The following GLI2 variants were observed in gnomAD, a reference collection of about 807,000 sequenced individuals.
The protein encoded by GLI2 is GLI family zinc finger 2.
A neutral mutation model predicts 78.9 loss-of-function variants in GLI2; 22 were observed. The observed-to-expected ratio is 0.28, with a 90% CI of 0.20 to 0.40. The LOEUF (loss-of-function observed/expected upper bound fraction) is 0.40. Among genes scored for constraint, GLI2 ranks in the 10% least tolerant of loss-of-function variants. The probability of loss-of-function intolerance (pLI) is 1.00; values close to 1 mark genes in which losing one functional copy is unlikely to be tolerated. For missense variants in GLI2, 2,097 were observed against 2,213.2 expected, an observed-to-expected ratio of 0.95 and a Z score of 1.05; for synonymous variants, 974 against 963.7, an observed-to-expected ratio of 1.01 and a Z score of -0.20.
intron 2 of GLI2, among the ~76,000 whole-genome samples, chr2:120,858,628 TG>T (rs1687766818): frequency 6.6e-6 from 1 of 152,194 alleles, no homozygotes; most frequent in Non-Finnish European, 1.5e-5. Context: ...GCTGCCTTGC[TG>T]TGGACCCTGT....
At chr2:120,934,247 G>A (rs997503528) in intron 3 of GLI2, among the ~76,000 whole-genome samples, 12 of 152,296 alleles carry the variant, frequency 7.9e-5, no homozygotes, top group East Asian at 3.9e-4. Context: ...CTGGTTCCTC[G>A]TGATAACCCA....
At chr2:120,939,257 G>C (rs1189994367) in intron 3 of GLI2, among the ~76,000 whole-genome samples, 8 of 152,020 alleles carry the variant, frequency 5.3e-5, no homozygotes, top group Non-Finnish European at 1.2e-4. Context: ...ACTCCAGCCT[G>C]GGCAAGAGCG....
At chr2:120,761,620 G>A (rs1683215322) in intron 1 of GLI2, among the ~76,000 whole-genome samples, 1 of 152,154 alleles carries the variant, frequency 6.6e-6, no homozygotes. Context: ...GGTCTGGGGG[G>A]TCGGGGGTTG....
At chr2:120,906,993 A>G (rs1678566479) in intron 2 of GLI2, among the ~76,000 whole-genome samples, 1 of 152,120 alleles carries the variant, frequency 6.6e-6, no homozygotes, top group African/African-American at 2.4e-5. Context: ...TGTCTGCAGC[A>G]TCACACACAC....
chr2:120,964,137 A>C (rs1681721571), intron 5 of GLI2, among the ~76,000 whole-genome samples: 1 of 152,186 alleles, frequency 6.6e-6, no homozygotes. Context: ...CCTTGTTTGG[A>C]GAGAGAGGCC....
intron 1 of GLI2, among the ~76,000 whole-genome samples, chr2:120,789,033 C>CTTTTTTT (rs35017068): frequency 7.9e-6 from 1 of 126,644 alleles, no homozygotes; most frequent in African/African-American, 3.2e-5. Context: ...TTCTTTCTTT[C>CTTTTTTT]TTTTTTTTTT....
intron 2 of GLI2, among the ~76,000 whole-genome samples, chr2:120,911,827 G>A (rs962503515): frequency 1.3e-5 from 2 of 151,766 alleles, no homozygotes; most frequent in Non-Finnish European, 2.9e-5. Context: ...GGATGAGGGG[G>A]TGTGGTGGGG....
At chr2:120,903,380 C>T (rs1278573159) in intron 2 of GLI2, among the ~76,000 whole-genome samples, 1 of 151,984 alleles carries the variant, frequency 6.6e-6, no homozygotes, top group Non-Finnish European at 1.5e-5. Flanking sequence ...GCAATTCAGA[C>T]AGTTTCTTTA....
intron 2 of GLI2, among the ~76,000 whole-genome samples, chr2:120,893,575 C>T (rs914683495): frequency 3.3e-5 from 5 of 150,220 alleles, no homozygotes; most frequent in East Asian, 2.0e-4. Flanking sequence ...GAGTCAGAGC[C>T]GGCCAAGAAT....
At chr2:120,891,749 G>A (rs917381134) in intron 2 of GLI2, among the ~76,000 whole-genome samples, 2 of 152,158 alleles carry the variant, frequency 1.3e-5, no homozygotes, top group Non-Finnish European at 2.9e-5. Flanking sequence ...AGGGGAAGGC[G>A]CTGTTCCCTT....
At chr2:120,958,568 C>T (rs1018418440) in intron 5 of GLI2, among the ~76,000 whole-genome samples, 4 of 152,158 alleles carry the variant, frequency 2.6e-5, no homozygotes, top group East Asian at 1.9e-4. Flanking sequence ...CGCCATCCTG[C>T]GCTCAGCCCC....
intron 2 of GLI2, among the ~76,000 whole-genome samples, chr2:120,857,098 G>A (rs1199632189): frequency 2.0e-5 from 3 of 152,148 alleles, no homozygotes; most frequent in African/African-American, 7.2e-5. Context: ...GCTTAGTGAT[G>A]CACCCAAGAC....
intron 2 of GLI2, among the ~76,000 whole-genome samples, chr2:120,874,898 G>C (rs959223404): frequency 6.6e-6 from 1 of 152,178 alleles, no homozygotes; most frequent in Non-Finnish European, 1.5e-5. Context: ...TTGATGTTTG[G>C]CCCTGGTGCC....
In GLI2 at chr2:120,761,958, G is replaced by A. The variant is rs149600656; in HGVS notation, c.-31+25673G>A. On this transcript the variant is annotated intron_variant, in intron 1 of 13. Transcript: ENST00000361492. ...ATTCCCCTTCTGCAGGGGCAAATTA[G>A]AACATTAGGCAAAAGTACAGAGTGA... Among the ~76,000 whole-genome samples the A allele has an allele frequency of 3.1e-3, 474 of 152,360 alleles. 1 individual carries two copies. The highest frequency in any genetic ancestry group is 0.02 in the Middle Eastern group (6 of 294).
chr2:120,936,642 A>G (rs1680213585), intron 3 of GLI2, among the ~76,000 whole-genome samples: 1 of 152,214 alleles, frequency 6.6e-6, no homozygotes, highest in Non-Finnish European at 1.5e-5. Flanking sequence ...ATGGAAACAG[A>G]ACAGTAATCA....
chr2:120,948,501 T>C (rs896792402), intron 3 of GLI2, among the ~76,000 whole-genome samples: 5 of 152,134 alleles, frequency 3.3e-5, no homozygotes, highest in African/African-American at 1.2e-4. Flanking sequence ...AGCTCCTCCA[T>C]GTGTGACCCA....
rs754867241 is a variant in GLI2 at position 120,990,180 on chromosome 2, C to T, written c.4215C>T (p.Gly1405=). The change falls in exon 14 of 14, where the codon GGC becomes GGT. Residue 1405 remains glycine, a synonymous_variant. Coordinates refer to ENST00000361492, the MANE Select transcript of GLI2 (RefSeq NM_001374353.1). ...TAEAVPKGAM[G]NMGSVPPQPP... Reference sequence around the variant, plus strand: ...AGGCTGTGCCCAAGGGAGCGATGGGCAACATGGGGTCGGTGCCTCCCCAGC... The same window carrying T: ...AGGCTGTGCCCAAGGGAGCGATGGGTAACATGGGGTCGGTGCCTCCCCAGC... 1.9e-6 allele frequency: 3 copies of T among 1,612,906 alleles called. No individual in the cohort carries two copies. The highest frequency in any genetic ancestry group is 2.7e-5 in the African/African-American group (2 of 74,944).
At chr2:120,897,982 C>T (rs555351891) in intron 2 of GLI2, among the ~76,000 whole-genome samples, 1 of 152,170 alleles carries the variant, frequency 6.6e-6, no homozygotes, top group South Asian at 2.1e-4. Context: ...GATGCTGACC[C>T]TTGGGAACTG....
At chr2:120,924,960 T>G (rs1388587147) in intron 2 of GLI2, among the ~76,000 whole-genome samples, 1 of 152,252 alleles carries the variant, frequency 6.6e-6, no homozygotes, top group East Asian at 1.9e-4. Context: ...GTTACTGTTA[T>G]CCATTTTCAG....
Sources: allele counts gnomAD v4.1 joint callset (sites outside exome capture counted in the v4.1 genomes callset), GRCh38; gene constraint gnomAD v4.1.1; transcripts MANE v1.5; gene names NCBI Gene and HGNC (gene_info 2026-07-23, HGNC 2026-07-21).